MATN2: variants seen among roughly 807,000 people sequenced by gnomAD.
MATN2 encodes the protein matrilin 2, also known as matrilin-2.
MATN2 carries 69 observed loss-of-function variants against 103.2 expected under a neutral mutation model. The ratio of observed to expected loss-of-function variants is 0.67; its 90% CI spans 0.55 to 0.82. The LOEUF (loss-of-function observed/expected upper bound fraction) is 0.82, where lower values mean the gene tolerates loss of function less well. Among genes scored for constraint, MATN2 ranks in the 40% least tolerant of loss-of-function variants. The pLI, the probability that MATN2 is intolerant of heterozygous loss-of-function variation, is 0.00. For missense variants in MATN2, 1,023 were observed against 1,211.5 expected (o/e 0.84, Z 2.31); for synonymous variants, 429 against 450.2 (o/e 0.95, Z 0.60).
At chr8:97,927,095 T>C (rs1310304002) in intron 2 of MATN2, among the ~76,000 whole-genome samples, 3 of 151,990 alleles carry the variant, frequency 2.0e-5, no homozygotes, top group Non-Finnish European at 4.4e-5. Context: ...TCTGGGGTTG[T>C]GGTGCACTGG....
At chr8:97,956,896 T>C (rs1216317543) in intron 4 of MATN2, among the ~76,000 whole-genome samples, 2 of 152,196 alleles carry the variant, frequency 1.3e-5, no homozygotes, top group Admixed American at 1.3e-4. Context: ...CCATTCCTCC[T>C]GGGAGGCAGG....
At chr8:97,997,487 GC>G (rs1301996780) in intron 7 of MATN2, among the ~76,000 whole-genome samples, 1 of 152,162 alleles carries the variant, frequency 6.6e-6, no homozygotes, top group Non-Finnish European at 1.5e-5. Context: ...AGTCTTACCT[GC>G]TCAGGGCTCC....
At chr8:97,996,826 T>C (rs1340652740) in intron 7 of MATN2, among the ~76,000 whole-genome samples, 2 of 152,234 alleles carry the variant, frequency 1.3e-5, no homozygotes, top group African/African-American at 2.4e-5. Flanking sequence ...TCTTGAGTGA[T>C]CTGAGCATTA....
chr8:97,894,553 C>T (rs564652033), intron 2 of MATN2, among the ~76,000 whole-genome samples: 2 of 152,126 alleles, frequency 1.3e-5, no homozygotes, highest in African/African-American at 4.8e-5. Flanking sequence ...AATTCTTGGC[C>T]TTATGCAATC....
intron 6 of MATN2, among the ~76,000 whole-genome samples, chr8:97,988,152 CAA>C (rs869146483): frequency 7.3e-4 from 48 of 65,866 alleles, no homozygotes; most frequent in African/African-American, 3.7e-3. Flanking sequence ...CCATCTCCAC[CAA>C]AAAAAAAAAA....
Position 98,015,057 on chromosome 8 carries a change from C to T in MATN2, c.1574-1483C>T, listed in dbSNP as rs115993507. ...CAGGTTCACAAACCTTCTAGTCCCC[C>T]AGAAGCCACCCAGCCCTGTAAGATG... On this transcript the variant is annotated intron_variant, in intron 10 of 18. Transcript: ENST00000254898. Among the ~76,000 whole-genome samples the T allele has an allele frequency of 3.6e-3, 550 of 152,314 alleles. 7 individuals are homozygous for T. Among genetic ancestry groups the T allele is most frequent in the African/African-American group, 0.013 (526 of 41,552 alleles).
intron 1 of MATN2, among the ~76,000 whole-genome samples, chr8:97,870,236 C>T (rs1393378079): frequency 1.3e-5 from 2 of 152,038 alleles, no homozygotes; most frequent in Non-Finnish European, 2.9e-5. Flanking sequence ...TGAGATATGG[C>T]GGCCGGGCAC....
intron 6 of MATN2, among the ~76,000 whole-genome samples, chr8:97,987,013 T>TG (rs1563709209): frequency 2.2e-4 from 34 of 151,828 alleles, no homozygotes; most frequent in African/African-American, 8.2e-4. Context: ...TTTTTTTTTT[T>TG]TGTATTTTTA....
In MATN2 at chr8:97,930,868, C is replaced by T. The variant is rs557609622; in HGVS notation, c.143-85C>T. On this transcript the variant is annotated intron_variant, in intron 2 of 18. Coordinates refer to ENST00000254898, the MANE Select transcript of MATN2 (RefSeq NM_002380.5). ...AATTCCTGACCTCAGGTGATCCACC[C>T]GCCTTCCAAAGTGCTGGGATTACAG... The T allele has an allele frequency of 1.4e-5, 12 of 864,098 alleles. No homozygotes were observed. The South Asian group carries it at 1.4e-4, about 10-fold the overall frequency. 53.5% of individuals were successfully genotyped at this position (864,098 alleles called of 1,614,324 possible).
rs1398349334 is a variant in MATN2 at position 97,945,712 on chromosome 8, A to AT, written c.835+3813_835+3814insT. On this transcript the variant is annotated intron_variant, in intron 4 of 18. Coordinates refer to ENST00000254898, the MANE Select transcript of MATN2 (RefSeq NM_002380.5). Reference sequence around the variant, plus strand: ...ACACACATACACACTATAGAAAAAAAAAAAAATATATATATATATATATAA... The same window carrying AT: ...ACACACATACACACTATAGAAAAAAATAAAAAATATATATATATATATATAA... Among the ~76,000 whole-genome samples, 3 of 73,756 alleles carry AT rather than the reference A, an allele frequency of 4.1e-5. No individual in the cohort carries two copies. The East Asian group carries it at 8.9e-4, about 22-fold the overall frequency. 48.4% of individuals were successfully genotyped at this position (73,756 alleles called of 152,430 possible).
At chr8:97,949,632 C>G (rs1219027406) in intron 4 of MATN2, among the ~76,000 whole-genome samples, 2 of 152,080 alleles carry the variant, frequency 1.3e-5, no homozygotes, top group Non-Finnish European at 2.9e-5. Flanking sequence ...ATCATGTGAC[C>G]CAGCCATTCC....
intron 3 of MATN2, among the ~76,000 whole-genome samples, chr8:97,935,717 G>A (rs1810351121): frequency 6.6e-6 from 1 of 152,132 alleles, no homozygotes; most frequent in Non-Finnish European, 1.5e-5. Flanking sequence ...TGAACTCCTG[G>A]GCTCAAGCAG....
At chr8:98,034,215 C>T (rs771005664) in intron 18 of MATN2, 20 of 455,518 alleles carry the variant, frequency 4.4e-5, no homozygotes, top group African/African-American at 8.0e-5. Context: ...TGAAACACTC[C>T]ACCAAGGGAA....
chr8:97,870,828 T>C (rs548943334), intron 1 of MATN2, among the ~76,000 whole-genome samples: 1 of 152,352 alleles, frequency 6.6e-6, no homozygotes, highest in South Asian at 2.1e-4. Context: ...TGACCTGGAA[T>C]GTTTCCTCTC....
chr8:97,876,480 C>T (rs911988181), intron 1 of MATN2, among the ~76,000 whole-genome samples: 15 of 152,136 alleles, frequency 9.9e-5, no homozygotes, highest in African/African-American at 3.1e-4. Context: ...TGAGCCACCG[C>T]GCCTGGACAA....
At chr8:97,935,788 T>C (rs1304962581) in intron 3 of MATN2, among the ~76,000 whole-genome samples, 1 of 152,202 alleles carries the variant, frequency 6.6e-6, no homozygotes, top group African/African-American at 2.4e-5. Flanking sequence ...GTGCCTGGCC[T>C]GTAAGTGGTA....
chr8:97,953,887 G>A (rs1240231676), intron 4 of MATN2, among the ~76,000 whole-genome samples: 4 of 151,676 alleles, frequency 2.6e-5, no homozygotes, highest in East Asian at 3.8e-4. Context: ...GCTTGAGCTC[G>A]GGAAGCAGAG....
intron 6 of MATN2, among the ~76,000 whole-genome samples, chr8:97,985,936 T>C (rs900805179): frequency 7.9e-5 from 12 of 152,228 alleles, no homozygotes; most frequent in South Asian, 2.1e-4. Flanking sequence ...TGTATGGATT[T>C]ATTTTTATAG....
At chr8:97,959,730 G>A (rs916380651) in intron 4 of MATN2, among the ~76,000 whole-genome samples, 4 of 152,156 alleles carry the variant, frequency 2.6e-5, no homozygotes, top group Non-Finnish European at 5.9e-5. Flanking sequence ...GATGATGTAA[G>A]TTTTAATGTT....
Sources: allele counts gnomAD v4.1 joint callset (sites outside exome capture counted in the v4.1 genomes callset), GRCh38; gene constraint gnomAD v4.1.1; transcripts MANE v1.5; gene names NCBI Gene and HGNC (gene_info 2026-07-23, HGNC 2026-07-21).